The following XKR4 variants were observed in gnomAD, a reference collection of about 807,000 sequenced individuals.
The protein encoded by XKR4 is XK related 4.
XKR4 carries 12 observed loss-of-function variants against 53.9 expected under a neutral mutation model. The ratio of observed to expected loss-of-function variants is 0.22; its 90% CI spans 0.14 to 0.36. XKR4 has a LOEUF of 0.36. Among genes scored for constraint, XKR4 ranks in the 10% least tolerant of loss-of-function variants. XKR4 has a pLI of 1.00. For missense variants in XKR4, 799 were observed against 859.5 expected (o/e 0.93, Z 0.88); for synonymous variants, 354 against 362.4 (o/e 0.98, Z 0.26).
intron 1 of XKR4, among the ~76,000 whole-genome samples, chr8:55,186,134 C>G (rs1250756662): frequency 6.6e-6 from 1 of 152,110 alleles, no homozygotes; most frequent in Non-Finnish European, 1.5e-5. Flanking sequence ...TGGCTGCAAA[C>G]CAATTCATCT....
At chr8:55,449,232 T>A (rs1805387964) in intron 2 of XKR4, among the ~76,000 whole-genome samples, 1 of 152,204 alleles carries the variant, frequency 6.6e-6, no homozygotes, top group South Asian at 2.1e-4. Flanking sequence ...CTAGAAACAA[T>A]TCGCCTGCAG....
At chr8:55,116,793 G>A (rs73596955) in intron 1 of XKR4, among the ~76,000 whole-genome samples, 3,254 of 152,194 alleles carry the variant, frequency 0.021, 106 homozygotes, top group African/African-American at 0.072. Context: ...TTTTGGTTCA[G>A]TGTTCTTAAA....
chr8:55,342,946 C>T (rs1296683872), intron 1 of XKR4, among the ~76,000 whole-genome samples: 1 of 151,484 alleles, frequency 6.6e-6, no homozygotes, highest in African/African-American at 2.4e-5. Flanking sequence ...AGTAGGTGCT[C>T]AACAAATACT....
chr8:55,302,033 C>A (rs943184244), intron 1 of XKR4, among the ~76,000 whole-genome samples: 2 of 152,098 alleles, frequency 1.3e-5, no homozygotes, highest in South Asian at 2.1e-4. Flanking sequence ...GCTTTTGTTG[C>A]CATTGCTTTT....
intron 1 of XKR4, among the ~76,000 whole-genome samples, chr8:55,188,915 A>T (rs1817411078): frequency 6.6e-6 from 1 of 152,234 alleles, no homozygotes; most frequent in South Asian, 2.1e-4. Flanking sequence ...GTGTTCAGTT[A>T]AAGTCGGTTA....
chr8:55,312,667 G>A (rs1011950622), intron 1 of XKR4, among the ~76,000 whole-genome samples: 5 of 152,066 alleles, frequency 3.3e-5, no homozygotes, highest in East Asian at 1.9e-4. Context: ...TGTAATTAAC[G>A]CCCATCAAGA....
intron 2 of XKR4, among the ~76,000 whole-genome samples, chr8:55,461,558 A>C (rs781524140): frequency 6.6e-6 from 1 of 152,234 alleles, no homozygotes; most frequent in Admixed American, 6.5e-5. Flanking sequence ...AACTCTAAAA[A>C]TCAGAGTGCC....
intron 2 of XKR4, among the ~76,000 whole-genome samples, chr8:55,496,471 C>T (rs1290368482): frequency 6.6e-6 from 1 of 152,290 alleles, no homozygotes; most frequent in East Asian, 1.9e-4. Context: ...CTTAAGACAG[C>T]CAACCTCTCA....
At chr8:55,180,471 T>C (rs1034262434) in intron 1 of XKR4, among the ~76,000 whole-genome samples, 1 of 152,230 alleles carries the variant, frequency 6.6e-6, no homozygotes, top group African/African-American at 2.4e-5. Context: ...GGTGTCAGTG[T>C]GGCGAAAGGA....
chr8:55,156,036 G>A (rs1816902209), intron 1 of XKR4, among the ~76,000 whole-genome samples: 1 of 152,092 alleles, frequency 6.6e-6, no homozygotes, highest in African/African-American at 2.4e-5. Context: ...GCCAAATTAA[G>A]AATTTAACTG....
intron 1 of XKR4, among the ~76,000 whole-genome samples, chr8:55,343,082 A>T (rs1803581774): frequency 6.6e-6 from 1 of 152,184 alleles, no homozygotes; most frequent in East Asian, 1.9e-4. Flanking sequence ...TAGCTTGGAA[A>T]GTGATCTCAG....
chr8:55,504,636 T>C (rs568569502), intron 2 of XKR4, among the ~76,000 whole-genome samples: 3 of 152,302 alleles, frequency 2.0e-5, no homozygotes, highest in Admixed American at 2.0e-4. Flanking sequence ...TTTATGGTAA[T>C]TCCTCTTTAA....
chr8:55,332,691 TC>T (rs1803398595), intron 1 of XKR4, among the ~76,000 whole-genome samples: 4 of 152,234 alleles, frequency 2.6e-5, no homozygotes, highest in South Asian at 4.1e-4. Flanking sequence ...GTATAATGTG[TC>T]TTGCTATGGG....
intron 2 of XKR4, among the ~76,000 whole-genome samples, chr8:55,459,908 C>G (rs2975973): frequency 0.42 from 63,041 of 151,572 alleles, 13,629 homozygotes; most frequent in East Asian, 0.53. Context: ...GTATGACCCA[C>G]TAATTCCATT....
chr8:55,274,817 A>G (rs1818742416), intron 1 of XKR4, among the ~76,000 whole-genome samples: 4 of 152,194 alleles, frequency 2.6e-5, no homozygotes, highest in Admixed American at 2.0e-4. Context: ...CCCTGTCTCC[A>G]AATACAGTGA....
intron 1 of XKR4, among the ~76,000 whole-genome samples, chr8:55,234,632 C>A (rs1818093400): frequency 6.6e-6 from 1 of 152,138 alleles, no homozygotes; most frequent in African/African-American, 2.4e-5. Context: ...GGAACACTGG[C>A]AATGTTGAGT....
At chr8:55,126,555 G>A (rs952991218) in intron 1 of XKR4, among the ~76,000 whole-genome samples, 4 of 152,198 alleles carry the variant, frequency 2.6e-5, no homozygotes, top group African/African-American at 9.7e-5. Context: ...GCAAAATTGT[G>A]CTTTGGCAGT....
chr8:55,452,709 A>G, intron 2 of XKR4: 5 of 1,144,480 alleles, frequency 4.4e-6, no homozygotes, highest in Non-Finnish European at 6.6e-6. Flanking sequence ...GATGAAGTGG[A>G]CCACAGCCCC....
intron 2 of XKR4, among the ~76,000 whole-genome samples, chr8:55,358,186 T>A (rs545606745): frequency 6.6e-6 from 1 of 152,182 alleles, no homozygotes; most frequent in Non-Finnish European, 1.5e-5. Context: ...TTTATAATGG[T>A]ATAATTTCCA....
Sources: gnomAD v4.1 joint callset for allele counts (sites outside exome capture counted in the v4.1 genomes callset) on GRCh38, gnomAD v4.1.1 for gene constraint, MANE v1.5 for transcripts, NCBI Gene and HGNC (gene_info 2026-07-23, HGNC 2026-07-21) for gene names.